The following TMEM165 variants were observed in gnomAD, a reference collection of about 807,000 sequenced individuals.
TMEM165 encodes putative divalent cation/proton antiporter TMEM165.
TMEM165 carries 19 observed loss-of-function variants against 30.0 expected under a neutral mutation model. That is an observed-to-expected ratio of 0.63 (90% confidence interval 0.44 to 0.93). The LOEUF (loss-of-function observed/expected upper bound fraction) is 0.93, where lower values mean the gene tolerates loss of function less well. TMEM165 is among the 40% of genes least tolerant of loss of function. The pLI is 0.00. For missense variants in TMEM165, 340 were observed against 417.0 expected, an observed-to-expected ratio of 0.82 and a Z score of 1.61; for synonymous variants, 168 against 162.9, an observed-to-expected ratio of 1.03 and a Z score of -0.24.
In TMEM165 at chr4:55,438,636, A is replaced by C. The variant is rs1723091454; in HGVS notation, c.409-13603A>C. ...TACTTACCTAAGATAATACCCAATG[A>C]CATTGCCAGTTTGTTTTTCAAGGTC... On this transcript the variant is annotated intron_variant, in intron 3 of 3. Coordinates refer to the TMEM165 transcript ENST00000608091. 5 of 1,561,688 alleles carry C rather than the reference A, an allele frequency of 3.2e-6. No homozygotes were observed. In the African/African-American group the frequency reaches 4.1e-5, roughly 13 times the overall value.
chr4:55,447,886 T>C (rs1166357383), intron 3 of TMEM165, among the ~76,000 whole-genome samples: 1 of 152,108 alleles, frequency 6.6e-6, no homozygotes, highest in Non-Finnish European at 1.5e-5. Flanking sequence ...AAATACTACT[T>C]CTCCATAGTA....
Position 55,417,223 on chromosome 4 carries a change from T to C in TMEM165, c.585T>C (p.Ala195=). The change falls in exon 3 of 6, where the codon GCT becomes GCC. Residue 195 remains alanine (A), a synonymous_variant. Transcript: ENST00000381334. ...AAGAGGAACTGGAAGAAGTTCAAGC[T>C]GAATTAAAGAAGAAAGATGAAGAAG... The part of the protein sequence containing the change: ...EGQEELEEVQ[A]ELKKKDEEFQ... The C allele has an allele frequency of 6.2e-7, 1 of 1,612,132 alleles. No homozygotes were observed. Among genetic ancestry groups the C allele is most frequent in the South Asian group, 1.1e-5 (1 of 90,568 alleles).
At chr4:55,424,674 ATT>A in intron 5 of TMEM165, 31 bp downstream of exon 5, 1 of 1,351,390 alleles carries the variant, frequency 7.4e-7, no homozygotes, top group Non-Finnish European at 1.1e-6. Context: ...ATCAGATAAC[ATT>A]TTAGAATCAC....
chr4:55,449,660 TA>T (rs2109746728), intron 3 of TMEM165, among the ~76,000 whole-genome samples: 1 of 152,254 alleles, frequency 6.6e-6, no homozygotes, highest in East Asian at 1.9e-4. Flanking sequence ...TAGTTACTTC[TA>T]TCTTTTTATG....
intron 1 of TMEM165, among the ~76,000 whole-genome samples, chr4:55,406,083 G>T (rs555060311): frequency 2.0e-5 from 3 of 152,168 alleles, no homozygotes; most frequent in African/African-American, 4.8e-5. Flanking sequence ...TTCCCAGGAG[G>T]CTTATGAAAT....
chr4:55,442,674 AAAT>A, intron 3 of TMEM165: 1 of 1,521,940 alleles, frequency 6.6e-7, no homozygotes, highest in Non-Finnish European at 9.1e-7. Flanking sequence ...GATTAACTGA[AAAT>A]AATTATTTGG....
intron 4 of TMEM165, chr4:55,418,194 G>T: frequency 2.2e-6 from 1 of 455,126 alleles, no homozygotes; most frequent in East Asian, 3.6e-5. Flanking sequence ...GCTCAGTTGG[G>T]CTCTTTTTAC....
At chr4:55,400,271 T>C (rs1423084838) in intron 1 of TMEM165, among the ~76,000 whole-genome samples, 1 of 43,182 alleles carries the variant, frequency 2.3e-5, no homozygotes, top group African/African-American at 6.8e-5. Flanking sequence ...ATATAATATA[T>C]AATATAATAT....
chr4:55,448,860 A>G, intron 3 of TMEM165: 1 of 1,613,318 alleles, frequency 6.2e-7, no homozygotes. Context: ...CAGACTGGGA[A>G]TTTATGGACT....
intron 2 of TMEM165, chr4:55,412,221 G>A (rs189152587): frequency 4.1e-5 from 11 of 265,300 alleles, no homozygotes; most frequent in East Asian, 3.8e-4. Flanking sequence ...TGGTGAAACC[G>A]CATCTCTACT....
At chr4:55,412,980 TTTA>T (rs1481340547) in intron 2 of TMEM165, among the ~76,000 whole-genome samples, 2 of 151,808 alleles carry the variant, frequency 1.3e-5, no homozygotes, top group Non-Finnish European at 2.9e-5. Flanking sequence ...TATTTATTTA[TTTA>T]TTTATTTTTT....
At chr4:55,443,785 C>T in intron 3 of TMEM165, 1 of 1,614,062 alleles carries the variant, frequency 6.2e-7, no homozygotes. Context: ...TTAGTAGGAA[C>T]AACTTGGCCT....
chr4:55,453,272 T>C (rs1246171253), exon 4 of TMEM165: 7 of 667,372 alleles, frequency 1.0e-5, no homozygotes, highest in South Asian at 2.0e-5. Flanking sequence ...AAAATATACC[T>C]ATAATGTCTT....
intron 3 of TMEM165, 116 bp from the exon 4 acceptor site, chr4:55,417,687 G>A (rs969505481): frequency 3.5e-5 from 29 of 840,396 alleles, no homozygotes; most frequent in Non-Finnish European, 4.8e-5. Flanking sequence ...TCACATAAAT[G>A]TAGTTTTTTT....
At chr4:55,418,023 CG>C in intron 4 of TMEM165, 38 bp downstream of exon 4, 1 of 1,543,948 alleles carries the variant, frequency 6.5e-7, no homozygotes, top group Non-Finnish European at 8.8e-7. Flanking sequence ...TAAAATGAAA[CG>C]TAATTATTAT....
At chr4:55,403,492 C>CTTTTTTTTTTTTTTTTTTTT (rs71664292) in intron 1 of TMEM165, among the ~76,000 whole-genome samples, 1 of 124,512 alleles carries the variant, frequency 8.0e-6, no homozygotes, top group Non-Finnish European at 1.6e-5. Context: ...GTGCCTTTTT[C>CTTTTTTTTTTTTTTTTTTTT]TTTTTCTTTT....
intron 1 of TMEM165, among the ~76,000 whole-genome samples, chr4:55,407,667 C>T (rs1395716809): frequency 6.6e-6 from 1 of 152,070 alleles, no homozygotes; most frequent in Non-Finnish European, 1.5e-5. Flanking sequence ...ATTTGGGGAA[C>T]CTGGTATGTG....
At chr4:55,415,633 C>A (rs112200939) in intron 2 of TMEM165, 3 of 152,194 alleles carry the variant, frequency 2.0e-5, no homozygotes, top group African/African-American at 7.2e-5. Flanking sequence ...TACATATATA[C>A]AAATATACAT....
At chr4:55,437,227 A>C (rs1299029694) in intron 3 of TMEM165, among the ~76,000 whole-genome samples, 2 of 152,220 alleles carry the variant, frequency 1.3e-5, no homozygotes, top group African/African-American at 4.8e-5. Flanking sequence ...AAAGGGTGAC[A>C]AATTAAGACT....
Sources: gnomAD v4.1 joint callset for allele counts (sites outside exome capture counted in the v4.1 genomes callset) on GRCh38, gnomAD v4.1.1 for gene constraint, MANE v1.5 for transcripts, NCBI Gene and HGNC (gene_info 2026-07-23, HGNC 2026-07-21) for gene names.